Variants in GHR observed in about 807,000 individuals in gnomAD.
GHR encodes the protein growth hormone receptor, also known as GH receptor.
A neutral mutation model predicts 67.1 loss-of-function variants in GHR; 35 were observed. That is an observed-to-expected ratio of 0.52 (90% CI 0.40 to 0.69). The LOEUF is 0.69. Ranked by LOEUF, GHR falls within the 30% of genes least tolerant of loss-of-function variation. The pLI, the probability that GHR is intolerant of heterozygous loss-of-function variation, is 0.00. For missense variants in GHR, 792 were observed against 764.6 expected (o/e 1.04, Z -0.42); for synonymous variants, 272 against 269.1 (o/e 1.01, Z -0.10).
chr5:42,575,921 C>A (rs1463020471), intron 2 of GHR, among the ~76,000 whole-genome samples: 1 of 151,440 alleles, frequency 6.6e-6, no homozygotes, highest in African/African-American at 2.4e-5. Flanking sequence ...GTAGTCCCAG[C>A]TGCTCGGGAG....
At chr5:42,490,883 G>T (rs1245028148) in intron 1 of GHR, among the ~76,000 whole-genome samples, 2 of 152,152 alleles carry the variant, frequency 1.3e-5, no homozygotes, top group African/African-American at 4.8e-5. Context: ...GGAAAGTGAA[G>T]GTTTTAATAT....
intron 3 of GHR, among the ~76,000 whole-genome samples, chr5:42,639,305 T>C (rs1240602515): frequency 1.3e-5 from 2 of 152,204 alleles, no homozygotes; most frequent in Admixed American, 1.3e-4. Flanking sequence ...CAAAAGATTC[T>C]CTCTTTAGGA....
intron 1 of GHR, among the ~76,000 whole-genome samples, chr5:42,551,354 G>A (rs1194709037): frequency 6.6e-6 from 1 of 152,202 alleles, no homozygotes; most frequent in African/African-American, 2.4e-5. Context: ...GGGGAGTCTG[G>A]AAGGCTTCAT....
Position 42,547,989 on chromosome 5 carries a change from TCA to T in GHR, c.-11-17873_-11-17872del, listed in dbSNP as rs1422402455. 5 of 571,156 alleles carry T rather than the reference TCA, an allele frequency of 8.8e-6. No homozygotes were observed. In the African/African-American group the frequency reaches 1.0e-4, roughly 12 times the overall value. 35.4% of individuals were successfully genotyped at this position (571,156 alleles called of 1,614,324 possible). The stretch of plus-strand genomic sequence containing the variant: ...GAAAGGACCAGATTCAGATACCCTA[TCA>T]CTGCTTTCTACCCATCCAGATCAGA... On this transcript the variant is annotated intron_variant, in intron 1 of 9. Transcript: ENST00000230882.
chr5:42,634,858 T>C (rs1313846595), intron 3 of GHR, among the ~76,000 whole-genome samples: 1 of 152,198 alleles, frequency 6.6e-6, no homozygotes, highest in Non-Finnish European at 1.5e-5. Context: ...CCACTGCCTC[T>C]CTGCTTTCAT....
intron 1 of GHR, among the ~76,000 whole-genome samples, chr5:42,556,604 T>C (rs369883601): frequency 3.1e-4 from 47 of 152,162 alleles, no homozygotes; most frequent in African/African-American, 1.1e-3. Flanking sequence ...GTAGGGACAA[T>C]GGTGTAAAGT....
chr5:42,719,480 A>G lies in GHR; in HGVS notation c.*56A>G. ...TTAATAGCAAAGAATTGACTGGGGC[A>G]ATAACGTTTAAGCCAAAACAATGTT... is the stretch of plus-strand genomic sequence containing the variant. On this transcript the variant is annotated 3_prime_UTR_variant, in exon 10 of 10. Transcript: ENST00000230882. 6.5e-7 allele frequency: 1 copy of G among 1,540,252 alleles called. No individual in the cohort carries two copies. Among genetic ancestry groups the G allele is most frequent in the Non-Finnish European group, 8.9e-7 (1 of 1,123,464 alleles).
chr5:42,547,870 G>A (rs1326246151), intron 1 of GHR, among the ~76,000 whole-genome samples: 1 of 152,170 alleles, frequency 6.6e-6, no homozygotes, highest in Non-Finnish European at 1.5e-5. Context: ...TGTACAATGT[G>A]CTATCTTCTG....
chr5:42,507,857 C>T (rs1015043191), intron 1 of GHR, among the ~76,000 whole-genome samples: 4 of 152,148 alleles, frequency 2.6e-5, no homozygotes, highest in Admixed American at 2.6e-4. Context: ...TCTCTGTCAA[C>T]CTTCTAATCT....
intron 2 of GHR, among the ~76,000 whole-genome samples, chr5:42,571,585 C>T (rs1353924343): frequency 6.6e-6 from 1 of 152,158 alleles, no homozygotes; most frequent in African/African-American, 2.4e-5. Context: ...GTGACCTACC[C>T]CTACAAAGAA....
chr5:42,465,389 G>T, intron 1 of GHR: 1 of 1,209,576 alleles, frequency 8.3e-7, no homozygotes, highest in Non-Finnish European at 1.2e-6. Flanking sequence ...TAAAGGGATT[G>T]AAGAGGTTTC....
intron 6 of GHR, among the ~76,000 whole-genome samples, chr5:42,709,126 C>T (rs538485201): frequency 8.5e-5 from 13 of 152,164 alleles, no homozygotes; most frequent in African/African-American, 3.1e-4. Flanking sequence ...TATGAATTTG[C>T]TTAGCAGTGT....
At chr5:42,697,289 A>C (rs1757720135) in intron 5 of GHR, among the ~76,000 whole-genome samples, 1 of 152,190 alleles carries the variant, frequency 6.6e-6, no homozygotes, top group Admixed American at 6.5e-5. Context: ...CATTCAGCAA[A>C]TATTTATTAT....
chr5:42,693,142 C>T (rs199622225), intron 4 of GHR, among the ~76,000 whole-genome samples: 1,570 of 147,594 alleles, frequency 0.011, 29 homozygotes, highest in African/African-American at 0.037. Flanking sequence ...GCATATGCAA[C>T]TTTTTTTTTT....
chr5:42,576,094 TAAAATAAATA>T (rs1356123337), intron 2 of GHR, among the ~76,000 whole-genome samples: 11 of 91,586 alleles, frequency 1.2e-4, no homozygotes, highest in South Asian at 8.8e-4. Context: ...TAAAATAAAA[TAAAATAAATA>T]AAATAAAATA....
intron 1 of GHR, among the ~76,000 whole-genome samples, chr5:42,476,666 C>A (rs1745338088): frequency 6.6e-6 from 1 of 152,142 alleles, no homozygotes; most frequent in Admixed American, 6.5e-5. Context: ...AATTATAAAG[C>A]CTTTTTCTAA....
intron 1 of GHR, among the ~76,000 whole-genome samples, chr5:42,537,583 T>A (rs1198916425): frequency 6.6e-6 from 1 of 152,194 alleles, no homozygotes; most frequent in Non-Finnish European, 1.5e-5. Context: ...TATCATATGG[T>A]CTATTCTTGG....
chr5:42,716,474 A>G (rs1284654313), intron 8 of GHR, among the ~76,000 whole-genome samples: 1 of 152,212 alleles, frequency 6.6e-6, no homozygotes, highest in Non-Finnish European at 1.5e-5. Context: ...CTGTAGCACG[A>G]AAGTGGCCAT....
At chr5:42,468,553 T>A in intron 1 of GHR, 1 of 862,362 alleles carries the variant, frequency 1.2e-6, no homozygotes, top group Non-Finnish European at 1.8e-6. Flanking sequence ...TGACCCTTAT[T>A]CCTTCTTTCT....
Sources: gnomAD v4.1 joint callset for allele counts (sites outside exome capture counted in the v4.1 genomes callset) on GRCh38, gnomAD v4.1.1 for gene constraint, MANE v1.5 for transcripts, NCBI Gene and HGNC (gene_info 2026-07-23, HGNC 2026-07-21) for gene names.